The following RALYL variants were observed in gnomAD, a reference collection of about 807,000 sequenced individuals.
The protein encoded by RALYL is RNA-binding Raly-like protein.
Under a neutral mutation model 35.1 loss-of-function variants are expected in RALYL, and 29 were observed. The ratio of observed to expected loss-of-function variants is 0.83; its 90% CI spans 0.61 to 1.13. The LOEUF (loss-of-function observed/expected upper bound fraction) is 1.13, where lower values mean the gene tolerates loss of function less well. Ranked by LOEUF, RALYL falls within the 50% of genes most tolerant of loss-of-function variation. The probability of loss-of-function intolerance (pLI) is 0.00; values close to 1 mark genes in which losing one functional copy is unlikely to be tolerated. For synonymous variants in RALYL, 120 were observed against 127.6 expected (o/e 0.94, Z 0.40); for missense variants, 359 against 360.4 (o/e 1.00, Z 0.03).
intron 2 of RALYL, among the ~76,000 whole-genome samples, chr8:84,727,862 C>A (rs1466115847): frequency 2.0e-5 from 3 of 152,030 alleles, no homozygotes; most frequent in African/African-American, 2.4e-5. Context: ...TTTTCTTAAT[C>A]CAGTCTATCA....
chr8:84,577,338 C>G (rs1809702613), intron 2 of RALYL, among the ~76,000 whole-genome samples: 1 of 152,140 alleles, frequency 6.6e-6, no homozygotes, highest in Admixed American at 6.5e-5. Context: ...AGTGGCAGCT[C>G]TGTAGCAGCG....
At chr8:84,854,823 C>T (rs954493519) in intron 5 of RALYL, among the ~76,000 whole-genome samples, 9 of 152,156 alleles carry the variant, frequency 5.9e-5, no homozygotes, top group Non-Finnish European at 1.3e-4. Flanking sequence ...GAAAAAGAGC[C>T]TACCAGAGCT....
chr8:84,269,150 T>C (rs1586666057), intron 1 of RALYL, among the ~76,000 whole-genome samples: 3 of 152,296 alleles, frequency 2.0e-5, no homozygotes, highest in African/African-American at 7.2e-5. Flanking sequence ...TCAAGAGCAA[T>C]ACCTCTTATT....
intron 1 of RALYL, among the ~76,000 whole-genome samples, chr8:84,301,833 A>G (rs1189425111): frequency 1.3e-5 from 2 of 152,120 alleles, no homozygotes; most frequent in Non-Finnish European, 2.9e-5. Flanking sequence ...TCAATTTTGT[A>G]TAAAAATTAA....
At chr8:84,238,972 A>G (rs1827249440) in intron 1 of RALYL, among the ~76,000 whole-genome samples, 1 of 152,188 alleles carries the variant, frequency 6.6e-6, no homozygotes, top group Non-Finnish European at 1.5e-5. Flanking sequence ...ACTGTGGACC[A>G]TGGGGCTTTA....
At chr8:84,664,263 A>T (rs142721910) in intron 2 of RALYL, among the ~76,000 whole-genome samples, 1,645 of 58,054 alleles carry the variant, frequency 0.028, 22 homozygotes, top group Middle Eastern at 0.071. Context: ...ATGCCTCTAG[A>T]TTTTTTTTTT....
intron 1 of RALYL, among the ~76,000 whole-genome samples, chr8:84,279,482 A>C (rs1250301551): frequency 1.3e-5 from 2 of 152,210 alleles, no homozygotes; most frequent in Admixed American, 6.5e-5. Flanking sequence ...AAGAAAATAA[A>C]AATGAAGTGT....
At chr8:84,886,169 T>G (rs908288176) in intron 7 of RALYL, among the ~76,000 whole-genome samples, 10 of 152,156 alleles carry the variant, frequency 6.6e-5, no homozygotes, top group South Asian at 4.1e-4. Flanking sequence ...ATAAACTTTA[T>G]CATTTGGAGA....
chr8:84,638,171 G>A (rs1825460267), intron 2 of RALYL, among the ~76,000 whole-genome samples: 1 of 151,878 alleles, frequency 6.6e-6, no homozygotes, highest in Admixed American at 6.6e-5. Flanking sequence ...TCAAAACTAT[G>A]CAAATACATG....
chr8:84,270,553 C>CGTAT (rs1554597006), intron 1 of RALYL, among the ~76,000 whole-genome samples: 9 of 147,250 alleles, frequency 6.1e-5, no homozygotes, highest in Non-Finnish European at 1.5e-5. Flanking sequence ...ACATGAAATT[C>CGTAT]GTGTGTGTGT....
chr8:84,614,976 A>C (rs1819131902), intron 2 of RALYL, among the ~76,000 whole-genome samples: 1 of 151,556 alleles, frequency 6.6e-6, no homozygotes, highest in African/African-American at 2.4e-5. Flanking sequence ...ATGATGGCAT[A>C]AATTACTGTA....
At chr8:84,236,844 A>G (rs1826689157) in intron 1 of RALYL, among the ~76,000 whole-genome samples, 1 of 152,218 alleles carries the variant, frequency 6.6e-6, no homozygotes, top group African/African-American at 2.4e-5. Flanking sequence ...CAGGTAGAAT[A>G]TAATAAAATT....
intron 2 of RALYL, among the ~76,000 whole-genome samples, chr8:84,690,454 A>G (rs1445404805): frequency 6.6e-6 from 1 of 152,080 alleles, no homozygotes; most frequent in Non-Finnish European, 1.5e-5. Context: ...TGGGAGACCT[A>G]ACCTACAGAA....
At chr8:84,199,012 G>C (rs1161090930) in intron 1 of RALYL, among the ~76,000 whole-genome samples, 3 of 152,238 alleles carry the variant, frequency 2.0e-5, no homozygotes, top group East Asian at 3.9e-4. Flanking sequence ...ATATACTCCA[G>C]AGTGGGATTT....
intron 2 of RALYL, among the ~76,000 whole-genome samples, chr8:84,689,217 A>G (rs1036253034): frequency 6.6e-5 from 10 of 152,070 alleles, no homozygotes; most frequent in Non-Finnish European, 1.2e-4. Context: ...TGCCAATGCT[A>G]TCCCTCCCCC....
At chr8:84,642,397 T>C (rs1826563908) in intron 2 of RALYL, among the ~76,000 whole-genome samples, 1 of 152,082 alleles carries the variant, frequency 6.6e-6, no homozygotes, top group Admixed American at 6.6e-5. Context: ...TTACCTTTTT[T>C]TTCCTTTTCA....
chr8:84,448,916 A>T (rs1294120497), intron 1 of RALYL, among the ~76,000 whole-genome samples: 1 of 152,008 alleles, frequency 6.6e-6, no homozygotes, highest in East Asian at 1.9e-4. Flanking sequence ...AAAACAAAGC[A>T]AAAAACCGTC....
intron 1 of RALYL, among the ~76,000 whole-genome samples, chr8:84,263,310 G>A (rs1373003032): frequency 1.3e-5 from 2 of 152,076 alleles, no homozygotes; most frequent in Non-Finnish European, 2.9e-5. Flanking sequence ...TGTCATACTT[G>A]AAGTATTTTG....
At chr8:84,263,922 T>C (rs1045792473) in intron 1 of RALYL, among the ~76,000 whole-genome samples, 3 of 152,200 alleles carry the variant, frequency 2.0e-5, no homozygotes, top group African/African-American at 7.2e-5. Flanking sequence ...GCTTCATCCA[T>C]GTCCCTGCAA....
Sources: allele counts gnomAD v4.1 joint callset (sites outside exome capture counted in the v4.1 genomes callset), GRCh38; gene constraint gnomAD v4.1.1; transcripts MANE v1.5; gene names NCBI Gene and HGNC (gene_info 2026-07-23, HGNC 2026-07-21).